The following STARD13 variants were observed in gnomAD, a reference collection of about 807,000 sequenced individuals.
The protein encoded by STARD13 is stAR-related lipid transfer protein 13.
A neutral mutation model predicts 106.4 loss-of-function variants in STARD13; 62 were observed. That is an observed-to-expected ratio of 0.58 (90% CI 0.48 to 0.72). STARD13 has a LOEUF of 0.72. Among genes scored for constraint, STARD13 ranks in the 30% least tolerant of loss-of-function variants. The pLI, the probability that STARD13 is intolerant of heterozygous loss-of-function variation, is 0.00. For synonymous variants in STARD13, 565 were observed against 553.0 expected (o/e 1.02, Z -0.31); for missense variants, 1,387 against 1,424.0 (o/e 0.97, Z 0.42).
intron 1 of STARD13, among the ~76,000 whole-genome samples, chr13:33,294,290 T>G (rs1021056982): frequency 2.6e-5 from 4 of 152,210 alleles, no homozygotes. Flanking sequence ...AGTCCACTGG[T>G]CTGTATTTTG....
At chr13:33,285,870 C>A, upstream of STARD13, 1 of 949,666 alleles carries the variant, frequency 1.1e-6, no homozygotes, top group Non-Finnish European at 1.4e-6. Context: ...TGCAGTCAGC[C>A]CTAAGCCCCG....
the STARD13 span, among the ~76,000 whole-genome samples, chr13:33,595,661 A>G: frequency 3.3e-5 from 5 of 152,206 alleles, no homozygotes; most frequent in Admixed American, 6.5e-5. Flanking sequence ...CTGTGTACCT[A>G]AAGAATGGAT....
At chr13:33,551,309 G>T in the STARD13 span, among the ~76,000 whole-genome samples, 4 of 152,178 alleles carry the variant, frequency 2.6e-5, no homozygotes, top group Admixed American at 2.6e-4. Context: ...TGTGTGTTGT[G>T]TATCTGCATT....
intron 3 of STARD13, among the ~76,000 whole-genome samples, chr13:33,164,698 T>C (rs1594015087): frequency 6.6e-6 from 1 of 152,222 alleles, no homozygotes; most frequent in Non-Finnish European, 1.5e-5. Context: ...TCACACCTCA[T>C]TTCTTCAACT....
rs1451632722 is a variant in STARD13 at position 33,296,078 on chromosome 13, A to G, written c.124+54212T>C. Among the ~76,000 whole-genome samples the G allele has an allele frequency of 2.0e-5, 3 of 151,818 alleles. No individual in the cohort carries two copies. In the East Asian group the frequency reaches 5.8e-4, roughly 29 times the overall value. ...TCTACTTAAAAAAAAAAAAAGAAAA[A>G]GTTAGTTGGGCATGGTGGCTCGTTA... is the stretch of plus-strand genomic sequence containing the variant. On this transcript the variant is annotated intron_variant, in intron 1 of 5. Transcript: ENST00000567873.
At chr13:33,330,772 TAAGGG>T (rs1303250749) in intron 1 of STARD13, among the ~76,000 whole-genome samples, 1 of 152,148 alleles carries the variant, frequency 6.6e-6, no homozygotes, top group Non-Finnish European at 1.5e-5. Flanking sequence ...CAAATCCAAG[TAAGGG>T]CACCGAGGCT....
At chr13:33,363,753 T>C in the STARD13 span, among the ~76,000 whole-genome samples, 2 of 152,202 alleles carry the variant, frequency 1.3e-5, no homozygotes, top group Non-Finnish European at 1.5e-5. Context: ...GAAACCCTCC[T>C]GAGGGTAGGA....
At chr13:33,165,956 C>G (rs1460411157) in intron 2 of STARD13, among the ~76,000 whole-genome samples, 1 of 152,196 alleles carries the variant, frequency 6.6e-6, no homozygotes, top group African/African-American at 2.4e-5. Context: ...CTACTTCCCT[C>G]CAACAGACAA....
At chr13:33,368,265 G>T in the STARD13 span, among the ~76,000 whole-genome samples, 1,014 of 152,282 alleles carry the variant, frequency 6.7e-3, 10 homozygotes, top group African/African-American at 0.023. Flanking sequence ...AGCTCTTTCA[G>T]TGAAATGGTA....
At chr13:33,111,047 T>A (rs1874480864) in intron 10 of STARD13, 140 bp from the exon 11 acceptor site, 2 of 688,332 alleles carry the variant, frequency 2.9e-6, no homozygotes, top group Non-Finnish European at 4.9e-6. Context: ...TTTTCTAAGA[T>A]CATTGCCAAG....
At chr13:33,643,761 C>T in the STARD13 span, among the ~76,000 whole-genome samples, 2 of 152,238 alleles carry the variant, frequency 1.3e-5, no homozygotes, top group Non-Finnish European at 2.9e-5. Context: ...GCAGCTCACA[C>T]TGCACGCTTC....
At chr13:33,221,547 G>A (rs140564422) in intron 1 of STARD13, among the ~76,000 whole-genome samples, 17 of 152,242 alleles carry the variant, frequency 1.1e-4, no homozygotes, top group Admixed American at 6.5e-4. Flanking sequence ...CTGATCATCT[G>A]AGTGGATCCC....
chr13:33,456,943 A>G, the STARD13 span, among the ~76,000 whole-genome samples: 2 of 152,234 alleles, frequency 1.3e-5, no homozygotes, highest in African/African-American at 2.4e-5. Flanking sequence ...TCAAAGCCTA[A>G]AACATTTACT....
chr13:33,228,939 C>T (rs919943918), intron 1 of STARD13, among the ~76,000 whole-genome samples: 1 of 152,080 alleles, frequency 6.6e-6, no homozygotes, highest in Non-Finnish European at 1.5e-5. Context: ...CTCCAAGATA[C>T]CAAATTGCAA....
chr13:33,150,151 CT>C (rs1172787606), intron 3 of STARD13, among the ~76,000 whole-genome samples: 1 of 152,142 alleles, frequency 6.6e-6, no homozygotes, highest in African/African-American at 2.4e-5. Flanking sequence ...GTAGGCTTTT[CT>C]TTTTGAACTG....
At chr13:33,612,516 C>A in the STARD13 span, among the ~76,000 whole-genome samples, 4 of 152,292 alleles carry the variant, frequency 2.6e-5, no homozygotes, top group African/African-American at 9.6e-5. Flanking sequence ...AGCCCCTACT[C>A]CCTGCCTCAT....
the STARD13 span, among the ~76,000 whole-genome samples, chr13:33,488,396 A>T: frequency 6.6e-6 from 1 of 152,220 alleles, no homozygotes; most frequent in Non-Finnish European, 1.5e-5. Context: ...CCTCAGTATT[A>T]TCTTTGATTT....
chr13:33,508,654 G>T, the STARD13 span, among the ~76,000 whole-genome samples: 1 of 152,194 alleles, frequency 6.6e-6, no homozygotes, highest in Non-Finnish European at 1.5e-5. Flanking sequence ...TGAGAGGGAG[G>T]ACTGCCCCAT....
chr13:33,553,281 CA>C, the STARD13 span, among the ~76,000 whole-genome samples: 1 of 151,608 alleles, frequency 6.6e-6, no homozygotes. Flanking sequence ...GGAGATTAGT[CA>C]AAATAATCAT....
Sources: allele counts gnomAD v4.1 joint callset (sites outside exome capture counted in the v4.1 genomes callset), GRCh38; gene constraint gnomAD v4.1.1; transcripts MANE v1.5; gene names NCBI Gene and HGNC (gene_info 2026-07-23, HGNC 2026-07-21).